The following CRTAM variants were observed in gnomAD, a reference collection of about 807,000 sequenced individuals.
CRTAM encodes the protein cytotoxic and regulatory T cell molecule, also known as cytotoxic and regulatory T-cell molecule.
CRTAM carries 44 observed loss-of-function variants against 50.0 expected under a neutral mutation model. The ratio of observed to expected loss-of-function variants is 0.88; its 90% CI spans 0.69 to 1.13. CRTAM has a LOEUF of 1.13. CRTAM is among the 50% of genes most tolerant of loss of function. The pLI, the probability that CRTAM is intolerant of heterozygous loss-of-function variation, is 0.00. For missense variants in CRTAM, 448 were observed against 457.5 expected, an observed-to-expected ratio of 0.98 and a Z score of 0.19; for synonymous variants, 159 against 169.3, an observed-to-expected ratio of 0.94 and a Z score of 0.47.
intron 4 of CRTAM, among the ~76,000 whole-genome samples, chr11:122,854,712 C>T (rs999463198): frequency 1.3e-5 from 2 of 151,174 alleles, no homozygotes. Context: ...AACTTTTTCC[C>T]AGATATAAAA....
Position 122,871,373 on chromosome 11 carries a change from A to G in CRTAM, c.1156A>G (p.Ile386Val). The G allele has an allele frequency of 6.2e-7, 1 of 1,613,906 alleles. No homozygotes were observed. Among genetic ancestry groups the G allele is most frequent in the Non-Finnish European group, 8.5e-7 (1 of 1,179,876 alleles). ...ACATTCAAAATTAGAAGAAAAGCAC[A>G]TCCAAGTACCAGAGAGTATTGTGTA... The part of the protein sequence containing the change: ...VQHSKLEEKH[I>V]QVPESIV The change falls in exon 10 of 10, where the codon ATC becomes GTC. Residue 386 changes from isoleucine (I) to valine (V), a missense_variant. Coordinates refer to ENST00000227348, the MANE Select transcript of CRTAM (RefSeq NM_019604.4).
intron 9 of CRTAM, among the ~76,000 whole-genome samples, chr11:122,869,082 C>T (rs1175919979): frequency 6.6e-6 from 1 of 152,036 alleles, no homozygotes; most frequent in Non-Finnish European, 1.5e-5. Context: ...TAGAAAGTCT[C>T]CTAAATCATC....
chr11:122,852,650 T>C (rs947176711), intron 3 of CRTAM, among the ~76,000 whole-genome samples: 3 of 152,114 alleles, frequency 2.0e-5, no homozygotes, highest in Admixed American at 6.5e-5. Context: ...TTGAGAACCA[T>C]TGTGACTCAG....
intron 9 of CRTAM, among the ~76,000 whole-genome samples, chr11:122,869,504 G>C (rs1036877662): frequency 6.6e-6 from 1 of 152,212 alleles, no homozygotes; most frequent in Non-Finnish European, 1.5e-5. Context: ...GGATGGGAAG[G>C]AGATTGTGTA....
chr11:122,853,694 T>C (rs911006028), intron 3 of CRTAM, among the ~76,000 whole-genome samples: 7 of 151,704 alleles, frequency 4.6e-5, no homozygotes, highest in Admixed American at 1.3e-4. Context: ...GGCGGGTGCC[T>C]GTAATCCCAG....
At chr11:122,839,007 C>G (rs756421209) in intron 1 of CRTAM, among the ~76,000 whole-genome samples, 1 of 152,214 alleles carries the variant, frequency 6.6e-6, no homozygotes, top group Non-Finnish European at 1.5e-5. Flanking sequence ...CGGCTCACTG[C>G]AAGCTCCGCC....
intron 1 of CRTAM, among the ~76,000 whole-genome samples, chr11:122,849,849 C>G (rs1011737344): frequency 2.0e-5 from 3 of 152,158 alleles, no homozygotes; most frequent in African/African-American, 7.2e-5. Flanking sequence ...AAATCCTACC[C>G]CTTCCTTCAG....
chr11:122,867,270 G>A, intron 7 of CRTAM, 139 bp from the exon 8 acceptor site: 1 of 675,588 alleles, frequency 1.5e-6, no homozygotes, highest in Non-Finnish European at 2.4e-6. Context: ...TACCTTCAGG[G>A]GTAAGCTCTT....
chr11:122,854,123 A>G (rs373299929), intron 4 of CRTAM, 37 bp downstream of exon 4: 6 of 1,592,382 alleles, frequency 3.8e-6, no homozygotes, highest in Non-Finnish European at 5.1e-6. Flanking sequence ...CTTCCTTCCT[A>G]CTCAAATTTC....
intron 2 of CRTAM, among the ~76,000 whole-genome samples, chr11:122,851,002 C>T (rs1861922702): frequency 6.6e-6 from 1 of 152,232 alleles, no homozygotes. Context: ...TGGCTCATGC[C>T]TGTAATCCCA....
chr11:122,844,065 G>A (rs1465775027), intron 1 of CRTAM, among the ~76,000 whole-genome samples: 1 of 152,186 alleles, frequency 6.6e-6, no homozygotes, highest in Non-Finnish European at 1.5e-5. Context: ...CTCAAACACA[G>A]CCCTTTCCAT....
chr11:122,853,862 C>CTACA (rs1463499163), intron 3 of CRTAM, 81 bp from the exon 4 acceptor site: 1 of 1,333,470 alleles, frequency 7.5e-7, no homozygotes, highest in Non-Finnish European at 1.0e-6. Flanking sequence ...TAACAATCAC[C>CTACA]TACAGATTAT....
rs1186169815 is a variant in CRTAM at position 122,854,447 on chromosome 11, T to C, written c.490+361T>C. ...CAGCACTTTGGGAGGCCAAGGTGGG[T>C]GGATCACCTGAGGTCAGGAGTTCGA... On this transcript the variant is annotated intron_variant, in intron 4 of 9. Transcript: ENST00000227348. 2.0e-5 allele frequency among the ~76,000 whole-genome samples: 3 copies of C among 152,024 alleles called. No individual in the cohort carries two copies. In the East Asian group the frequency reaches 5.8e-4, roughly 29 times the overall value.
chr11:122,847,189 G>C (rs1405961793), intron 1 of CRTAM, among the ~76,000 whole-genome samples: 1 of 152,070 alleles, frequency 6.6e-6, no homozygotes, highest in Admixed American at 6.6e-5. Context: ...CACTTAAATT[G>C]CCTAAGTTCG....
At chr11:122,863,916 G>A (rs757200079) in intron 6 of CRTAM, among the ~76,000 whole-genome samples, 4 of 151,968 alleles carry the variant, frequency 2.6e-5, no homozygotes, top group Admixed American at 6.6e-5. Context: ...ACATAGTGGC[G>A]CTGTGCAATG....
chr11:122,842,268 T>G (rs943018323), intron 1 of CRTAM, among the ~76,000 whole-genome samples: 10 of 146,872 alleles, frequency 6.8e-5, no homozygotes, highest in African/African-American at 2.6e-4. Flanking sequence ...ATGGGTTATA[T>G]GTTTGTTTGT....
At position 122,866,144 on chromosome 11, in the gene CRTAM, C is replaced by T. The variant is rs562812651; in HGVS notation, c.818-1265C>T. 9.2e-5 allele frequency among the ~76,000 whole-genome samples: 14 copies of T among 152,290 alleles called. No homozygotes were observed. The South Asian group carries it at 2.5e-3, about 27-fold the overall frequency. Reference sequence around the variant, plus strand: ...AGGTGCCATCTATTACCTACTTCTGCAGTCTCATATCTACAAAGTCCTTAT... The same window carrying T: ...AGGTGCCATCTATTACCTACTTCTGTAGTCTCATATCTACAAAGTCCTTAT... On this transcript the variant is annotated intron_variant, in intron 7 of 9. Coordinates refer to ENST00000227348, the MANE Select transcript of CRTAM (RefSeq NM_019604.4).
At chr11:122,869,179 A>G (rs1392102255) in intron 9 of CRTAM, among the ~76,000 whole-genome samples, 1 of 152,200 alleles carries the variant, frequency 6.6e-6, no homozygotes, top group Non-Finnish European at 1.5e-5. Flanking sequence ...TTGGGAAGCC[A>G]TCCTTGACTG....
chr11:122,844,011 A>T (rs1415137964), intron 1 of CRTAM, among the ~76,000 whole-genome samples: 2 of 152,216 alleles, frequency 1.3e-5, no homozygotes, highest in African/African-American at 4.8e-5. Context: ...AGCCAAAAGC[A>T]AGGCTTGTTG....
Sources: allele counts gnomAD v4.1 joint callset (sites outside exome capture counted in the v4.1 genomes callset), GRCh38; gene constraint gnomAD v4.1.1; transcripts MANE v1.5; gene names NCBI Gene and HGNC (gene_info 2026-07-23, HGNC 2026-07-21).